The following SLC30A7 variants were observed in gnomAD, a reference collection of about 807,000 sequenced individuals.
SLC30A7 encodes the protein solute carrier family 30 member 7, also known as zinc transporter 7.
Under a neutral mutation model 46.0 loss-of-function variants are expected in SLC30A7, and 35 were observed. The observed-to-expected ratio is 0.76, with a 90% CI of 0.58 to 1.01. SLC30A7 has a LOEUF of 1.01. SLC30A7 is among the 50% of genes least tolerant of loss of function. The pLI is 0.00. For missense variants in SLC30A7, 464 were observed against 451.1 expected (o/e 1.03, Z -0.26); for synonymous variants, 147 against 157.8 (o/e 0.93, Z 0.51).
rs1005834601 is a variant in SLC30A7, at chr1:100,977,053, T to G, written c.*2196T>G. The G allele has an allele frequency of 6.6e-6, 1 of 152,286 alleles. No homozygotes were observed. Among genetic ancestry groups the G allele is most frequent in the African/African-American group, 2.4e-5 (1 of 41,338 alleles). The allele number at this position is 152,286 out of a possible 1,614,324, so 9.4% of individuals were successfully genotyped here. On this transcript the variant is annotated 3_prime_UTR_variant, in exon 11 of 11. Coordinates refer to ENST00000357650, the MANE Select transcript of SLC30A7 (RefSeq NM_133496.5). ...ACCACCACCAAGTCTGAGAGAACTC[T>G]GGGATATTCTGTGGGTTTTGGCATA...
chr1:100,993,959 G>T, the SLC30A7 span, among the ~76,000 whole-genome samples: 1 of 151,830 alleles, frequency 6.6e-6, no homozygotes, highest in Non-Finnish European at 1.5e-5. Flanking sequence ...GGCCAGGCTG[G>T]TCTCGAACTG....
intron 3 of SLC30A7, among the ~76,000 whole-genome samples, chr1:100,908,780 A>G (rs539671397): frequency 6.6e-6 from 1 of 152,248 alleles, no homozygotes; most frequent in Admixed American, 6.5e-5. Flanking sequence ...TATTTATATT[A>G]TATATCAGAA....
chr1:100,910,975 G>T, intron 3 of SLC30A7, 88 bp from the exon 4 acceptor site: 2 of 1,040,316 alleles, frequency 1.9e-6, no homozygotes, highest in Admixed American at 3.7e-5. Context: ...ATGTAATATG[G>T]TTTGGAATCT....
intron 8 of SLC30A7, among the ~76,000 whole-genome samples, chr1:100,950,627 A>AT (rs1359886706): frequency 1.3e-5 from 2 of 152,124 alleles, no homozygotes; most frequent in South Asian, 4.2e-4. Flanking sequence ...GAGCTTTTGC[A>AT]TTTTTTTCTG....
intron 8 of SLC30A7, among the ~76,000 whole-genome samples, chr1:100,952,771 CT>C (rs917555883): frequency 6.6e-6 from 1 of 152,124 alleles, no homozygotes; most frequent in Admixed American, 6.5e-5. Flanking sequence ...CCCTTTTCTC[CT>C]TTTCTGCAGT....
chr1:100,959,738 T>C (rs1012309170), intron 8 of SLC30A7, among the ~76,000 whole-genome samples: 7 of 152,184 alleles, frequency 4.6e-5, no homozygotes, highest in African/African-American at 1.7e-4. Flanking sequence ...TCTCATCACT[T>C]TGTCATACTC....
Position 100,933,429 on chromosome 1 carries a change from T to A in SLC30A7, c.842+11588T>A, listed in dbSNP as rs544875043. ...TAACAATTTTTTTTTTAATTTTTTT[T>A]ATTATACTTTAAGTTCTAGGGTACA... is the stretch of plus-strand genomic sequence containing the variant. On this transcript the variant is annotated intron_variant, in intron 8 of 10. Coordinates refer to ENST00000357650, the MANE Select transcript of SLC30A7 (RefSeq NM_133496.5). 9.2e-5 allele frequency among the ~76,000 whole-genome samples: 14 copies of A among 152,250 alleles called. No individual in the cohort carries two copies. In the South Asian group the frequency reaches 1.2e-3, roughly 14 times the overall value.
At chr1:100,991,590 C>G in the SLC30A7 span, among the ~76,000 whole-genome samples, 1 of 151,828 alleles carries the variant, frequency 6.6e-6, no homozygotes, top group African/African-American at 2.4e-5. Flanking sequence ...GAGTTTGAGA[C>G]CAGCTGGGCA....
chr1:100,983,611 G>A (rs1051570764), downstream of SLC30A7, among the ~76,000 whole-genome samples: 1 of 152,176 alleles, frequency 6.6e-6, no homozygotes, highest in Non-Finnish European at 1.5e-5. Flanking sequence ...TGTATGAATT[G>A]TTAAAGTGAA....
At chr1:100,967,380 G>A (rs776970244) in intron 10 of SLC30A7, among the ~76,000 whole-genome samples, 1 of 151,988 alleles carries the variant, frequency 6.6e-6, no homozygotes, top group Non-Finnish European at 1.5e-5. Context: ...TCCCTCACAT[G>A]TGCAGTTCCT....
intron 6 of SLC30A7, among the ~76,000 whole-genome samples, chr1:100,915,252 T>TTC (rs1652459453): frequency 2.8e-5 from 4 of 141,092 alleles, no homozygotes; most frequent in African/African-American, 5.3e-5. Flanking sequence ...TTTCTTTCTT[T>TTC]CTTCCTTTCT....
the SLC30A7 span, among the ~76,000 whole-genome samples, chr1:100,990,854 T>C: frequency 6.6e-6 from 1 of 152,230 alleles, no homozygotes; most frequent in Non-Finnish European, 1.5e-5. Context: ...CCTTTCAGAA[T>C]TACAAAGGCT....
Position 100,913,719 on chromosome 1 carries a change from G to T in SLC30A7, c.568G>T (p.Val190Phe). 6.2e-7 allele frequency: 1 copy of T among 1,613,922 alleles called. No homozygotes were observed. Among genetic ancestry groups the T allele is most frequent in the East Asian group, 2.2e-5 (1 of 44,876 alleles). The part of the protein sequence containing the change: ...NGALDQAHGH[V>F]DHCHSHEVKH... ...TGCTCTAGATCAGGCACATGGCCAT[G>T]TCGATCATTGCCATAGCCATGAAGT... Residue 190 changes from valine (V) to phenylalanine (F), a missense_variant, in exon 6 of 11, where the codon GTC (valine) becomes TTC (phenylalanine). Val to Phe is a conservative substitution (Grantham distance 50). Coordinates refer to ENST00000357650, the MANE Select transcript of SLC30A7 (RefSeq NM_133496.5).
intron 3 of SLC30A7, among the ~76,000 whole-genome samples, chr1:100,907,309 G>A (rs1157181592): frequency 6.6e-6 from 1 of 151,870 alleles, no homozygotes; most frequent in Admixed American, 6.6e-5. Flanking sequence ...TGGATACTTT[G>A]CTGTTGATTT....
chr1:100,949,568 A>G (rs764409740), intron 8 of SLC30A7, among the ~76,000 whole-genome samples: 1 of 152,224 alleles, frequency 6.6e-6, no homozygotes, highest in Non-Finnish European at 1.5e-5. Context: ...GGGACGTTTA[A>G]GTCTGCAGAA....
chr1:100,950,928 C>G (rs547543422), intron 8 of SLC30A7, among the ~76,000 whole-genome samples: 1 of 152,266 alleles, frequency 6.6e-6, no homozygotes, highest in East Asian at 1.9e-4. Context: ...AAGGAGCCAG[C>G]ATCGGGTTCA....
intron 2 of SLC30A7, among the ~76,000 whole-genome samples, chr1:100,896,912 G>C (rs1482858969): frequency 6.6e-6 from 1 of 152,008 alleles, no homozygotes; most frequent in East Asian, 1.9e-4. Context: ...CATCAGACAA[G>C]ACTGACAAGC....
chr1:100,984,904 AATGC>A (rs1657180608), downstream of SLC30A7, among the ~76,000 whole-genome samples: 1 of 152,248 alleles, frequency 6.6e-6, no homozygotes, highest in Admixed American at 6.5e-5. Context: ...TGCTATATGA[AATGC>A]TCAAACACCT....
the SLC30A7 span, chr1:100,995,440 A>G: frequency 4.0e-6 from 1 of 247,420 alleles, no homozygotes; most frequent in Non-Finnish European, 7.9e-6. Context: ...CACTACTAAC[A>G]GCTAATCACA....
Sources: gnomAD v4.1 joint callset for allele counts (sites outside exome capture counted in the v4.1 genomes callset) on GRCh38, gnomAD v4.1.1 for gene constraint, MANE v1.5 for transcripts, NCBI Gene and HGNC (gene_info 2026-07-23, HGNC 2026-07-21) for gene names.